The following PCIF1 variants were observed in gnomAD, a reference collection of about 807,000 sequenced individuals.
The protein encoded by PCIF1 is phosphorylated CTD interacting factor 1, also known as mRNA (2'-O-methyladenosine-N(6)-)-methyltransferase.
In PCIF1, 12 loss-of-function variants were observed where a neutral mutation model predicts 86.9. The observed-to-expected ratio is 0.14, with a 90% confidence interval of 0.09 to 0.22. The LOEUF is 0.22. PCIF1 is among the 10% of genes least tolerant of loss of function. The pLI, the probability that PCIF1 is intolerant of heterozygous loss-of-function variation, is 1.00. For missense variants in PCIF1, 701 were observed against 951.1 expected (o/e 0.74, Z 3.46); for synonymous variants, 397 against 372.0 (o/e 1.07, Z -0.77).
rs1244329405 is a variant in PCIF1, at chr20:45,945,792, C to G, written c.1250C>G (p.Pro417Arg). 6.2e-7 allele frequency: 1 copy of G among 1,613,882 alleles called. No individual in the cohort carries two copies. Among genetic ancestry groups the G allele is most frequent in the South Asian group, 1.1e-5 (1 of 91,084 alleles). The change falls in exon 12 of 17, where the codon CCC becomes CGC. Residue 417 changes from proline to arginine, a missense_variant. This residue lies in a region of PCIF1 where 121 missense variants were observed against 131.7 expected (regional missense o/e 0.92). Coordinates refer to ENST00000372409, the MANE Select transcript of PCIF1 (RefSeq NM_022104.4). ...CTGGCTGTGTCTGCACCGCCCATGC[C>G]CAGCGTGGAGATGCACATGGAGAAC... The part of the protein sequence containing the change: ...VRLAVSAPPM[P>R]SVEMHMENNV...
rs2083549283 is a variant in PCIF1 at position 45,947,857 on chromosome 20, A to AGATTATGGT, written c.*103_*111dup. 6.5e-7 allele frequency: 1 copy of AGATTATGGT among 1,534,794 alleles called. No individual in the cohort carries two copies. Among genetic ancestry groups the AGATTATGGT allele is most frequent in the Non-Finnish European group, 8.7e-7 (1 of 1,150,548 alleles). On this transcript the variant is annotated 3_prime_UTR_variant, in exon 17 of 17. Transcript: ENST00000372409. This position sits in a 1 kb window ranked among gnomAD's most constrained non-coding sequence, Gnocchi z 5.4. ...GACCCCGGCTGCCACTGACATATGAAGATTATGGTTCTGCCAGGGCTCCCC... is the reference window on the plus strand; with the variant it reads ...GACCCCGGCTGCCACTGACATATGAAGATTATGGTGATTATGGTTCTGCCAGGGCTCCCC...
intron 4 of PCIF1, 137 bp downstream of exon 4, chr20:45,939,476 C>G (rs1334543765): frequency 5.3e-5 from 67 of 1,272,300 alleles, no homozygotes; most frequent in Non-Finnish European, 2.3e-5. Flanking sequence ...AAGACAGACA[C>G]AGCCCCTGCC....
rs763474021 is a variant in PCIF1, at chr20:45,940,856, C to G, written c.435C>G (p.Pro145=). Residue 145 remains proline (P), a synonymous_variant, in exon 6 of 17, where the codon CCC becomes CCG. Transcript: ENST00000372409. ...TPTGQSVPSS[P]SIPGTPTLKM... ...CAGGCCAGTCGGTGCCCAGCTCCCC[C>G]AGTATCCCAGGAACCCCAACGCTGA... 5.6e-6 allele frequency: 9 copies of G among 1,614,070 alleles called. No homozygotes were observed. The highest frequency in any genetic ancestry group is 7.6e-6 in the Non-Finnish European group (9 of 1,180,046).
Position 45,947,900 on chromosome 20 carries a change from G to T in PCIF1, c.*145G>T, listed in dbSNP as rs1034760240. 7 of 1,533,542 alleles carry T rather than the reference G, an allele frequency of 4.6e-6. No individual in the cohort carries two copies. Among genetic ancestry groups the T allele is most frequent in the Non-Finnish European group, 6.1e-6 (7 of 1,146,412 alleles). The allele number at this position is 1,533,542 out of a possible 1,614,324, so 95.0% of individuals were successfully genotyped here. A position where few individuals can be genotyped will look rare whatever the true frequency, so the allele number is the denominator to read the frequency against. ...GGCTCCCCTCCCTGCCTGTCCCCAAGTCCTCACCTCAAACTCCCTCCAAGT... is the reference window on the plus strand; with the variant it reads ...GGCTCCCCTCCCTGCCTGTCCCCAATTCCTCACCTCAAACTCCCTCCAAGT... On this transcript the variant is annotated 3_prime_UTR_variant, in exon 17 of 17. Coordinates refer to ENST00000372409, the MANE Select transcript of PCIF1 (RefSeq NM_022104.4). The surrounding 1 kb of genome is among the most constrained non-coding windows in gnomAD (Gnocchi z 5.4).
At chr20:45,935,558 G>A (rs1377910234) in intron 1 of PCIF1, among the ~76,000 whole-genome samples, 5 of 152,172 alleles carry the variant, frequency 3.3e-5, no homozygotes, top group Admixed American at 3.3e-4. Flanking sequence ...TTATAAGCCG[G>A]AAAGCAGAAG....
rs1236536433 is a variant in PCIF1, at chr20:45,934,802, C to T, written c.-190C>T. 2 of 398,108 alleles carry T rather than the reference C, an allele frequency of 5.0e-6. No individual in the cohort carries two copies. Among genetic ancestry groups the T allele is most frequent in the East Asian group, 3.6e-5 (1 of 28,034 alleles). The allele number at this position is 398,108 out of a possible 1,614,324, so 24.7% of individuals were successfully genotyped here. A position where few individuals can be genotyped will look rare whatever the true frequency, so the allele number is the denominator to read the frequency against. ...CGCGTCCCCTCCAGTCCGCTCCGGG[C>T]AGGTAAGAGTCCCAGGAAGCCATGG... On this transcript the variant is annotated splice_region_variant and 5_prime_UTR_variant, in exon 1 of 17. Transcript: ENST00000372409.
chr20:45,940,636 G>A (rs956302427), intron 5 of PCIF1, 24 bp downstream of exon 5: 4 of 1,590,232 alleles, frequency 2.5e-6, no homozygotes, highest in African/African-American at 2.7e-5. Context: ...GCCAGGAGCC[G>A]GCTGCCGAGC....
rs768867806 is a variant in PCIF1, at chr20:45,947,299, A to G, written c.1744A>G (p.Ile582Val). The G allele has an allele frequency of 9.9e-5, 160 of 1,613,780 alleles. 1 individual carries two copies. In the South Asian group the frequency reaches 1.7e-3, roughly 17 times the overall value. Residue 582 changes from isoleucine to valine, a missense_variant, in exon 16 of 17, where the codon ATC becomes GTC. Coordinates refer to ENST00000372409, the MANE Select transcript of PCIF1 (RefSeq NM_022104.4). This position sits in a 1 kb window ranked among gnomAD's most constrained non-coding sequence, Gnocchi z 5.4. ...GAGCTCACCGGAGCCCCTGTCCTTC[A>G]TCGTGTTCATCCCTGAGTGGCGGGA... Reference protein sequence around the residue: ...LESSPEPLSFIVFIPEWREPP... With the variant: ...LESSPEPLSFVVFIPEWREPP...
chr20:45,940,301 C>T (rs1033768287), intron 4 of PCIF1, among the ~76,000 whole-genome samples, 174 bp from the exon 5 acceptor site: 10 of 152,176 alleles, frequency 6.6e-5, no homozygotes, highest in South Asian at 2.1e-4. Context: ...CACACCCTGT[C>T]GCACAGTTGC....
rs765402620 is a variant in PCIF1, at chr20:45,947,062, C to G, written c.1614-11C>G. On this transcript the variant is annotated splice_polypyrimidine_tract_variant and intron_variant, in intron 14 of 16. Transcript: ENST00000372409. The surrounding 1 kb of genome is among the most constrained non-coding windows in gnomAD (Gnocchi z 5.4). ...CCTGATGGGACTTAGAATGCTCACT[C>G]CTGTCCCCAGGCCCTGCCTAGACTT... 1.2e-6 allele frequency: 2 copies of G among 1,602,670 alleles called. No individual in the cohort carries two copies. The highest frequency in any genetic ancestry group is 1.7e-5 in the Admixed American group (1 of 59,512).
Position 45,943,830 on chromosome 20 carries a change from T to G in PCIF1, c.1005+65T>G. 1 of 1,388,796 alleles carries G rather than the reference T, an allele frequency of 7.2e-7. No homozygotes were observed. Among genetic ancestry groups the G allele is most frequent in the Non-Finnish European group, 9.9e-7 (1 of 1,005,302 alleles). 86.0% of individuals were successfully genotyped at this position (1,388,796 alleles called of 1,614,324 possible). A position where few individuals can be genotyped will look rare whatever the true frequency, so the allele number is the denominator to read the frequency against. The stretch of plus-strand genomic sequence containing the variant: ...CTGTGGCCACTTCCTCCAGGAAGCC[T>G]ACTCTGCCTGTCCAGGCTGGGCAAG... On this transcript the variant is annotated intron_variant, in intron 10 of 16. Coordinates refer to ENST00000372409, the MANE Select transcript of PCIF1 (RefSeq NM_022104.4). The surrounding 1 kb of genome is among the most constrained non-coding windows in gnomAD (Gnocchi z 5.5).
In PCIF1 at chr20:45,946,220, C is replaced by T. The variant is rs945320079; in HGVS notation, c.1449C>T (p.Leu483=). Residue 483 remains leucine (L), a synonymous_variant, in exon 14 of 17, where the codon CTC becomes CTT. Transcript: ENST00000372409. ...RRYQMMFGVG[L]YEGTGLQGSL... is the part of the protein sequence containing the mutation. ...CGCAGATGATGTTCGGCGTGGGCCT[C>T]TACGAGGGGACTGGCCTGCAGGGAT... The T allele has an allele frequency of 1.2e-6, 2 of 1,614,094 alleles. No homozygotes were observed. Among genetic ancestry groups the T allele is most frequent in the African/African-American group, 1.3e-5 (1 of 74,950 alleles).
Position 45,943,195 on chromosome 20 carries a change from G to T in PCIF1, c.772G>T (p.Val258Phe). The T allele has an allele frequency of 1.2e-6, 2 of 1,614,156 alleles. No homozygotes were observed. Among genetic ancestry groups the T allele is most frequent in the Non-Finnish European group, 1.7e-6 (2 of 1,180,038 alleles). ...CCTGTTGCCCAGCAACTGTGAACCA[G>T]TCGTGTCACCTTCCATGTTTCGTGA... ...DPLLPSNCEPVVSPSMFREIM... is the reference protein window; with the variant it reads ...DPLLPSNCEPFVSPSMFREIM... Residue 258 changes from valine (V) to phenylalanine (F), a missense_variant, in exon 8 of 17, where the codon GTC (valine) becomes TTC (phenylalanine). Around this residue, in one of 7 missense-constraint regions of PCIF1, gnomAD observed 129 missense variants for 245.9 expected, o/e 0.52. Coordinates refer to ENST00000372409, the MANE Select transcript of PCIF1 (RefSeq NM_022104.4). The surrounding 1 kb of genome is among the most constrained non-coding windows in gnomAD (Gnocchi z 5.5).
intron 14 of PCIF1, 136 bp from the exon 15 acceptor site, chr20:45,946,937 C>G (rs1406099506): frequency 1.5e-6 from 1 of 684,942 alleles, no homozygotes; most frequent in Non-Finnish European, 2.5e-6. Context: ...CCTTGTGCCC[C>G]AATGAATTAG....
chr20:45,943,557 C>T lies in PCIF1; in HGVS notation c.906-109C>T. ...GTGGGGCCAGCTCCCAAAGGCAGAA[C>T]AAGGGCTGTGATGGAAGCTAGGGGT... On this transcript the variant is annotated intron_variant, in intron 9 of 16. Transcript: ENST00000372409. This position sits in a 1 kb window ranked among gnomAD's most constrained non-coding sequence, Gnocchi z 5.5. The T allele has an allele frequency of 7.4e-7, 1 of 1,354,280 alleles. No individual in the cohort carries two copies. The highest frequency in any genetic ancestry group is 1.3e-5 in the South Asian group (1 of 78,554). The allele number at this position is 1,354,280 out of a possible 1,614,324, so 83.9% of individuals were successfully genotyped here.
At position 45,947,762 on chromosome 20, in the gene PCIF1, C is replaced by A; in HGVS notation, c.*7C>A. 1 of 1,593,420 alleles carries A rather than the reference C, an allele frequency of 6.3e-7. No individual in the cohort carries two copies. Among genetic ancestry groups the A allele is most frequent in the South Asian group, 1.1e-5 (1 of 89,852 alleles). On this transcript the variant is annotated 3_prime_UTR_variant, in exon 17 of 17. Transcript: ENST00000372409. The surrounding 1 kb of genome is among the most constrained non-coding windows in gnomAD (Gnocchi z 5.4). The stretch of plus-strand genomic sequence containing the variant: ...CGAGCCTCACCCCACTTAACATATC[C>A]TGCGGGGAGGAGGAGCCCCAGGGGT...
At chr20:45,939,399 C>G in intron 4 of PCIF1, 60 bp downstream of exon 4, 1 of 1,603,164 alleles carries the variant, frequency 6.2e-7, no homozygotes, top group Non-Finnish European at 8.5e-7. Flanking sequence ...GGGCCTTCCC[C>G]AAATGTACCC....
chr20:45,946,527 T>C (rs2083528533), intron 14 of PCIF1, 143 bp downstream of exon 14: 3 of 1,054,972 alleles, frequency 2.8e-6, no homozygotes, highest in Admixed American at 2.3e-5. Flanking sequence ...ACCTTGGACA[T>C]GTTGCTTAAC....
rs772099708 is a variant in PCIF1 at position 45,947,499 on chromosome 20, C to T, written c.1884-25C>T. ...CTGGCCAGGCCAGGCCCAGCCCCAC[C>T]CTGAGCCATTGCCTTTGCCCGCAGG... is the stretch of plus-strand genomic sequence containing the variant. On this transcript the variant is annotated intron_variant, in intron 16 of 16. Transcript: ENST00000372409. The surrounding 1 kb of genome is among the most constrained non-coding windows in gnomAD (Gnocchi z 5.4). 1.1e-5 allele frequency: 17 copies of T among 1,613,596 alleles called. No homozygotes were observed. In the South Asian group the frequency reaches 1.8e-4, roughly 17 times the overall value.
Sources: gnomAD v4.1 joint callset for allele counts (sites outside exome capture counted in the v4.1 genomes callset) on GRCh38, gnomAD v4.1.1 for gene constraint, gnomAD v4.1.1 regional missense constraint, Gnocchi (gnomAD v3.1) non-coding constraint, MANE v1.5 for transcripts, NCBI Gene and HGNC (gene_info 2026-07-23, HGNC 2026-07-21) for gene names.